Variants in TVP23C observed in about 807,000 individuals in gnomAD.
The protein encoded by TVP23C is trans-golgi network vesicle protein 23 homolog C.
TVP23C carries 19 observed loss-of-function variants against 28.7 expected under a neutral mutation model. The observed-to-expected ratio is 0.66, with a 90% CI of 0.46 to 0.97. TVP23C has a LOEUF of 0.97. TVP23C is among the 50% of genes least tolerant of loss of function. TVP23C has a pLI of 0.00. For synonymous variants in TVP23C, 68 were observed against 81.7 expected, an observed-to-expected ratio of 0.83 and a Z score of 0.90; for missense variants, 186 against 241.3, an observed-to-expected ratio of 0.77 and a Z score of 1.52.
intron 5 of TVP23C, among the ~76,000 whole-genome samples, chr17:15,511,659 C>G (rs1982011143): frequency 6.6e-6 from 1 of 152,076 alleles, no homozygotes; most frequent in Non-Finnish European, 1.5e-5. Context: ...AGTCCTTATC[C>G]TTCCTTCAAT....
intron 5 of TVP23C, among the ~76,000 whole-genome samples, chr17:15,528,065 TTTG>T (rs1287914694): frequency 6.6e-6 from 1 of 152,200 alleles, no homozygotes; most frequent in African/African-American, 2.4e-5. Flanking sequence ...AACTTCTAGT[TTTG>T]TTGTTTTCTC....
At chr17:15,517,714 C>A (rs902246452) in intron 5 of TVP23C, among the ~76,000 whole-genome samples, 3 of 152,160 alleles carry the variant, frequency 2.0e-5, no homozygotes, top group Non-Finnish European at 4.4e-5. Flanking sequence ...ATGTTGCCAT[C>A]CCACCCTAAA....
At chr17:15,525,690 G>A (rs1201367089) in intron 5 of TVP23C, among the ~76,000 whole-genome samples, 2 of 152,170 alleles carry the variant, frequency 1.3e-5, no homozygotes, top group African/African-American at 4.8e-5. Flanking sequence ...GCATGTGTGT[G>A]TGCATGCACG....
At chr17:15,562,391 G>C (rs1473996925) in intron 1 of TVP23C, 2 of 152,078 alleles carry the variant, frequency 1.3e-5, no homozygotes, top group Admixed American at 6.5e-5. Flanking sequence ...ACTAATTTTT[G>C]TATTTTTAGT....
intron 2 of TVP23C, among the ~76,000 whole-genome samples, chr17:15,554,404 A>AT (rs1984038018): frequency 6.6e-6 from 1 of 151,492 alleles, no homozygotes; most frequent in Non-Finnish European, 1.5e-5. Flanking sequence ...CGCCCGGCTA[A>AT]TTTTTTGTAT....
chr17:15,512,362 G>A (rs1039376655), intron 5 of TVP23C, among the ~76,000 whole-genome samples: 2 of 152,102 alleles, frequency 1.3e-5, no homozygotes, highest in Non-Finnish European at 2.9e-5. Context: ...GAGATCTAAA[G>A]TCCTTCTGGC....
intron 5 of TVP23C, chr17:15,507,340 G>A (rs1597501627): frequency 1.3e-6 from 1 of 751,138 alleles, no homozygotes; most frequent in East Asian, 2.5e-5. Flanking sequence ...ATTGCTGACT[G>A]GACAACTCTA....
At chr17:15,523,221 T>C (rs943823907) in intron 5 of TVP23C, among the ~76,000 whole-genome samples, 1 of 151,324 alleles carries the variant, frequency 6.6e-6, no homozygotes, top group African/African-American at 2.4e-5. Flanking sequence ...CCCAGACTGG[T>C]CTCGAATGCC....
At chr17:15,523,305 T>A (rs1266856167) in intron 5 of TVP23C, among the ~76,000 whole-genome samples, 1 of 148,574 alleles carries the variant, frequency 6.7e-6, no homozygotes, top group South Asian at 2.2e-4. Context: ...CCGCCAGGCC[T>A]TTTTTTTCTT....
rs1424365308 is a variant in TVP23C, at chr17:15,562,031, A to G, written c.12+1406T>C. ...TGGCAACATCAGGAAGTTACTCTCTATGATCTAAAAGGGGAGGAATGAATA... is the reference window on the plus strand; with the variant it reads ...TGGCAACATCAGGAAGTTACTCTCTGTGATCTAAAAGGGGAGGAATGAATA... On this transcript the variant is annotated intron_variant, in intron 1 of 5. Coordinates refer to ENST00000518321, the MANE Select transcript of TVP23C (RefSeq NM_001135036.2). Among the ~76,000 whole-genome samples, 3 of 152,220 alleles carry G rather than the reference A, an allele frequency of 2.0e-5. No homozygotes were observed. In the East Asian group the frequency reaches 5.8e-4, roughly 29 times the overall value.
At chr17:15,511,000 G>A (rs541889276) in intron 5 of TVP23C, among the ~76,000 whole-genome samples, 71 of 141,358 alleles carry the variant, frequency 5.0e-4, no homozygotes, top group Non-Finnish European at 9.3e-4. Context: ...GTTGCAGTAA[G>A]CTGAGATTGC....
intron 5 of TVP23C, among the ~76,000 whole-genome samples, chr17:15,506,034 C>A (rs542346290): frequency 2.0e-5 from 3 of 152,264 alleles, no homozygotes; most frequent in Admixed American, 2.0e-4. Flanking sequence ...TGCTCCACAG[C>A]GCCCAGTTCC....
Position 15,517,300 on chromosome 17 carries a change from C to T in TVP23C, c.463-14068G>A, listed in dbSNP as rs542343673. On this transcript the variant is annotated intron_variant, in intron 5 of 5. Coordinates refer to the TVP23C transcript ENST00000225576. ...CTTACTAATATGTGTATCCTCCCAGCATCTAACACAGTTTCTTTCAGGGGG... is the reference window on the plus strand; with the variant it reads ...CTTACTAATATGTGTATCCTCCCAGTATCTAACACAGTTTCTTTCAGGGGG... 1.4e-4 allele frequency among the ~76,000 whole-genome samples: 22 copies of T among 152,342 alleles called. 1 individual carries two copies. In the South Asian group the frequency reaches 3.1e-3, roughly 22 times the overall value.
exon 6 of TVP23C, chr17:15,502,772 C>T: frequency 7.0e-7 from 1 of 1,433,398 alleles, no homozygotes; most frequent in Non-Finnish European, 9.2e-7. Flanking sequence ...CCTTCTCCGT[C>T]ACTCTCTTCC....
rs937774263 is a variant in TVP23C, at chr17:15,509,935, C to A, written c.463-6703G>T. Among the ~76,000 whole-genome samples the A allele has an allele frequency of 5.9e-5, 9 of 152,266 alleles. 1 individual carries two copies. The South Asian group carries it at 1.9e-3, about 32-fold the overall frequency. ...ATTATATTTCAACAAACCTAAGATG[C>A]CATGGTTGTAAAATGAATCATTGTT... is the stretch of plus-strand genomic sequence containing the variant. On this transcript the variant is annotated intron_variant, in intron 5 of 5. Transcript: ENST00000225576.
chr17:15,510,226 T>A (rs2150828496), intron 5 of TVP23C, among the ~76,000 whole-genome samples: 1 of 152,232 alleles, frequency 6.6e-6, no homozygotes, highest in African/African-American at 2.4e-5. Flanking sequence ...AGAAGAGAGC[T>A]GGGCTGGAGG....
At chr17:15,551,901 C>T (rs1383684474) in intron 3 of TVP23C, among the ~76,000 whole-genome samples, 2 of 152,158 alleles carry the variant, frequency 1.3e-5, no homozygotes, top group African/African-American at 4.8e-5. Flanking sequence ...CCCAAGTCCA[C>T]TTAATAATTT....
chr17:15,548,258 C>T (rs1983732501), intron 3 of TVP23C, among the ~76,000 whole-genome samples: 1 of 152,164 alleles, frequency 6.6e-6, no homozygotes, highest in Admixed American at 6.5e-5. Context: ...CCTCTGCCTC[C>T]CGGGTTCAAA....
At chr17:15,513,300 A>G (rs1178774488) in intron 5 of TVP23C, among the ~76,000 whole-genome samples, 2 of 152,244 alleles carry the variant, frequency 1.3e-5, no homozygotes, top group Non-Finnish European at 2.9e-5. Context: ...AGCAATCTGG[A>G]ACATTCTCAA....
Sources: gnomAD v4.1 joint callset for allele counts (sites outside exome capture counted in the v4.1 genomes callset) on GRCh38, gnomAD v4.1.1 for gene constraint, MANE v1.5 for transcripts, NCBI Gene and HGNC (gene_info 2026-07-23, HGNC 2026-07-21) for gene names.